The following FAM13A variants were observed in gnomAD, a reference collection of about 807,000 sequenced individuals.
The protein encoded by FAM13A is protein FAM13A.
FAM13A carries 76 observed loss-of-function variants against 129.6 expected under a neutral mutation model. That is an observed-to-expected ratio of 0.59 (90% CI 0.49 to 0.71). The LOEUF (loss-of-function observed/expected upper bound fraction) is 0.71, where lower values mean the gene tolerates loss of function less well. Ranked by LOEUF, FAM13A falls within the 30% of genes least tolerant of loss-of-function variation. The pLI is 0.00. For synonymous variants in FAM13A, 443 were observed against 449.9 expected (o/e 0.98, Z 0.20); for missense variants, 1,108 against 1,249.3 (o/e 0.89, Z 1.70).
chr4:88,757,810 C>T (rs148870926), intron 14 of FAM13A, among the ~76,000 whole-genome samples: 1 of 152,264 alleles, frequency 6.6e-6, no homozygotes, highest in East Asian at 1.9e-4. Flanking sequence ...ATTAAGATAA[C>T]TTCTTGGTTA....
chr4:89,028,226 C>G (rs1041829325), intron 2 of FAM13A, among the ~76,000 whole-genome samples: 20 of 147,320 alleles, frequency 1.4e-4, no homozygotes, highest in African/African-American at 4.7e-4. Context: ...AAAAAAAAGC[C>G]CCCAAAAACT....
rs567889005 is a variant in FAM13A at position 88,987,679 on chromosome 4, A to G, written c.605+3294T>C. The stretch of plus-strand genomic sequence containing the variant: ...ACCATGGTGAAACCCCGCCTCTACT[A>G]AAAATACAAAAAATTAGCCAGGCGT... On this transcript the variant is annotated intron_variant, in intron 4 of 23. Coordinates refer to ENST00000264344, the MANE Select transcript of FAM13A (RefSeq NM_014883.4). Among the ~76,000 whole-genome samples the G allele has an allele frequency of 6.6e-5, 10 of 151,802 alleles. No individual in the cohort carries two copies. The East Asian group carries it at 1.9e-3, about 30-fold the overall frequency.
intron 14 of FAM13A, among the ~76,000 whole-genome samples, chr4:88,757,844 G>A (rs902101512): frequency 6.6e-6 from 1 of 152,162 alleles, no homozygotes; most frequent in Non-Finnish European, 1.5e-5. Context: ...AGCGGGTAGG[G>A]AGAGAAGACA....
At chr4:88,738,573 T>C (rs1341550004) in intron 20 of FAM13A, among the ~76,000 whole-genome samples, 2 of 152,154 alleles carry the variant, frequency 1.3e-5, no homozygotes, top group African/African-American at 2.4e-5. Flanking sequence ...AAGAAGGGCC[T>C]CTCTCTCGTT....
At chr4:88,734,036 ACAAC>A (rs1047806575) in intron 21 of FAM13A, among the ~76,000 whole-genome samples, 29 of 152,356 alleles carry the variant, frequency 1.9e-4, no homozygotes, top group African/African-American at 6.7e-4. Context: ...TTCAAATAAG[ACAAC>A]CATCATAAGT....
chr4:88,823,241 C>T, intron 7 of FAM13A: 1 of 1,318,092 alleles, frequency 7.6e-7, no homozygotes, highest in Non-Finnish European at 9.7e-7. Flanking sequence ...ACACTGCAGT[C>T]CACTTTGACC....
intron 14 of FAM13A, among the ~76,000 whole-genome samples, chr4:88,756,031 A>T (rs1378788070): frequency 6.6e-6 from 1 of 152,260 alleles, no homozygotes; most frequent in Non-Finnish European, 1.5e-5. Context: ...CAGTGCTTAC[A>T]CAAGGAGTAT....
intron 5 of FAM13A, among the ~76,000 whole-genome samples, chr4:88,907,817 A>G (rs1449084712): frequency 6.6e-6 from 1 of 152,210 alleles, no homozygotes; most frequent in Non-Finnish European, 1.5e-5. Flanking sequence ...TAAGTTGTGG[A>G]GCCATAGCAT....
intron 4 of FAM13A, among the ~76,000 whole-genome samples, chr4:88,979,653 A>G (rs943694363): frequency 2.0e-5 from 3 of 152,142 alleles, no homozygotes; most frequent in African/African-American, 7.2e-5. Context: ...CTCAATAAAT[A>G]TTGCCTATTA....
chr4:88,926,491 G>A (rs964709309), intron 5 of FAM13A, among the ~76,000 whole-genome samples: 6 of 152,140 alleles, frequency 3.9e-5, no homozygotes, highest in Admixed American at 6.6e-5. Flanking sequence ...CAGTTTAAAG[G>A]ATACATAGCA....
At chr4:88,939,494 C>T (rs992202369) in intron 4 of FAM13A, among the ~76,000 whole-genome samples, 1 of 152,154 alleles carries the variant, frequency 6.6e-6, no homozygotes, top group Non-Finnish European at 1.5e-5. Context: ...ATCACATCTG[C>T]AAAGATTCTG....
At chr4:88,742,616 C>A (rs949964706) in intron 19 of FAM13A, among the ~76,000 whole-genome samples, 18 of 152,050 alleles carry the variant, frequency 1.2e-4, no homozygotes, top group African/African-American at 4.3e-4. Flanking sequence ...CAACTTTTAC[C>A]CATCATAATA....
chr4:88,810,424 C>T (rs1048525676), intron 7 of FAM13A, among the ~76,000 whole-genome samples: 35 of 152,018 alleles, frequency 2.3e-4, no homozygotes, highest in African/African-American at 7.7e-4. Flanking sequence ...GGGCCTGAAT[C>T]TAATATGACT....
intron 6 of FAM13A, among the ~76,000 whole-genome samples, chr4:88,903,942 T>C (rs1438977959): frequency 6.6e-6 from 1 of 151,896 alleles, no homozygotes; most frequent in Non-Finnish European, 1.5e-5. Context: ...AAAAATCCTA[T>C]TAAAAAGTGG....
rs1486052114 is a variant in FAM13A, at chr4:89,020,620, C to T, written c.267G>A (p.Val89=). ...TCTCGAACTTCAGTCGAAGTTGTTC[C>T]ACCACCTTCACGTTACCATTCACCC... ...LFRVNGNVKV[V]EQLRLKFESG... Residue 89 remains valine, a synonymous_variant, in exon 3 of 24, where the codon GTG becomes GTA. Coordinates refer to ENST00000264344, the MANE Select transcript of FAM13A (RefSeq NM_014883.4). The T allele has an allele frequency of 1.2e-6, 2 of 1,614,114 alleles. No individual in the cohort carries two copies. Among genetic ancestry groups the T allele is most frequent in the East Asian group, 2.2e-5 (1 of 44,868 alleles).
rs375456881 is a variant in FAM13A, at chr4:88,952,906, C to T, written c.606-14665G>A. Among the ~76,000 whole-genome samples, 33 of 152,190 alleles carry T rather than the reference C, an allele frequency of 2.2e-4. No individual in the cohort carries two copies. The East Asian group carries it at 6.4e-3, about 29-fold the overall frequency. On this transcript the variant is annotated intron_variant, in intron 4 of 23. Transcript: ENST00000264344. The stretch of plus-strand genomic sequence containing the variant: ...GAGGTTGCAGTGAGTCGAGATCGTG[C>T]CACTGCACTCCAGCATGGGCAACAG...
chr4:88,936,427 T>A (rs1449386789), intron 5 of FAM13A: 10 of 151,848 alleles, frequency 6.6e-5, no homozygotes, highest in African/African-American at 2.2e-4. Flanking sequence ...GGAGCAAGAG[T>A]GAGGGGGGGA....
At position 88,878,287 on chromosome 4, in the gene FAM13A, C is replaced by CAAAAAAAAAA. The variant is rs56067813; in HGVS notation, c.844-27114_844-27105dup. Among the ~76,000 whole-genome samples, 48 of 61,076 alleles carry CAAAAAAAAAA rather than the reference C, an allele frequency of 7.9e-4. 2 individuals carry two copies. The highest frequency in any genetic ancestry group is 3.1e-3 in the African/African-American group (43 of 13,728). 40.1% of individuals were successfully genotyped at this position (61,076 alleles called of 152,430 possible). A position where few individuals can be genotyped will look rare whatever the true frequency, so the allele number is the denominator to read the frequency against. ...TGGGCGACAGAGTGAGACTCCATCT[C>CAAAAAAAAAA]AAAAAAAAAAAAAAAAAAAAAAAAA... is the stretch of plus-strand genomic sequence containing the variant. On this transcript the variant is annotated intron_variant, in intron 6 of 23. Transcript: ENST00000264344.
chr4:88,742,697 G>A (rs1578447275), intron 19 of FAM13A, among the ~76,000 whole-genome samples: 2 of 152,170 alleles, frequency 1.3e-5, no homozygotes, highest in South Asian at 2.1e-4. Flanking sequence ...CAGGACCTTC[G>A]CTGAACTGTC....
Sources: allele counts gnomAD v4.1 joint callset (sites outside exome capture counted in the v4.1 genomes callset), GRCh38; gene constraint gnomAD v4.1.1; transcripts MANE v1.5; gene names NCBI Gene and HGNC (gene_info 2026-07-23, HGNC 2026-07-21).